Variants in BEND4 observed in about 807,000 individuals in gnomAD.
BEND4 encodes the protein BEN domain-containing protein 4.
A neutral mutation model predicts 54.7 loss-of-function variants in BEND4; 27 were observed. The observed-to-expected ratio is 0.49, with a 90% confidence interval of 0.36 to 0.68. The LOEUF is 0.68. Among genes scored for constraint, BEND4 ranks in the 30% least tolerant of loss-of-function variants. The pLI, the probability that BEND4 is intolerant of heterozygous loss-of-function variation, is 0.00. For synonymous variants in BEND4, 327 were observed against 299.5 expected (o/e 1.09, Z -0.95); for missense variants, 702 against 697.2 (o/e 1.01, Z -0.08).
chr4:42,117,734 T>C lies in BEND4; in HGVS notation c.1389A>G (p.Glu463=). 6.3e-7 allele frequency: 1 copy of C among 1,590,764 alleles called. No individual in the cohort carries two copies. Among genetic ancestry groups the C allele is most frequent in the Non-Finnish European group, 8.6e-7 (1 of 1,166,824 alleles). Residue 463 remains glutamate, a splice_region_variant and synonymous_variant, in exon 6 of 6, where the codon GAA becomes GAG. Coordinates refer to ENST00000502486, the MANE Select transcript of BEND4 (RefSeq NM_207406.4). ...LDPVKVTCLR[E]FIRMHCTSNP... The stretch of plus-strand genomic sequence containing the variant: ...TGGAGGTACAATGCATCCTAATGAA[T>C]TCTGCAGGAATATATACAACATCAA...
At chr4:42,131,541 T>G (rs1720509232) in intron 3 of BEND4, among the ~76,000 whole-genome samples, 2 of 152,164 alleles carry the variant, frequency 1.3e-5, no homozygotes, top group Non-Finnish European at 2.9e-5. Flanking sequence ...ATTACTTCAG[T>G]GTGGAGGGGA....
intron 4 of BEND4, among the ~76,000 whole-genome samples, chr4:42,123,705 A>AAAAAAAACAAAAC (rs1553921992): frequency 0.072 from 10,450 of 144,946 alleles, 565 homozygotes; most frequent in African/African-American, 0.15. Flanking sequence ...AAAAAAAAAA[A>AAAAAAAACAAAAC]AAAAAAAAAA....
intron 2 of BEND4, chr4:42,151,243 A>C: frequency 6.2e-6 from 1 of 160,534 alleles, no homozygotes; most frequent in Non-Finnish European, 1.4e-5. Context: ...GAAGAAGGAG[A>C]AAGGGAAAAA....
intron 2 of BEND4, 151 bp from the exon 3 acceptor site, chr4:42,144,145 A>T (rs1720995789): frequency 1.4e-6 from 1 of 692,454 alleles, no homozygotes. Flanking sequence ...ATCCACTGTG[A>T]ATAGAACGCA....
intron 4 of BEND4, among the ~76,000 whole-genome samples, chr4:42,120,634 A>G (rs968891245): frequency 6.6e-6 from 1 of 152,208 alleles, no homozygotes; most frequent in Non-Finnish European, 1.5e-5. Flanking sequence ...AATCTATTAA[A>G]ATATGCAAAA....
intron 3 of BEND4, among the ~76,000 whole-genome samples, chr4:42,141,607 G>A (rs1463515315): frequency 2.6e-5 from 4 of 152,122 alleles, no homozygotes; most frequent in African/African-American, 4.8e-5. Context: ...CAGGCGTGGT[G>A]GTGCATGCCT....
intron 2 of BEND4, among the ~76,000 whole-genome samples, chr4:42,148,228 A>C (rs976790972): frequency 6.6e-6 from 1 of 152,222 alleles, no homozygotes; most frequent in Non-Finnish European, 1.5e-5. Flanking sequence ...CCCTTGTCTT[A>C]AATCAATGAA....
rs1719864179 is a variant in BEND4 at position 42,117,003 on chromosome 4, TA to T, written c.*514del. On this transcript the variant is annotated 3_prime_UTR_variant, in exon 6 of 6. Transcript: ENST00000502486. ...GTTTCCTTTTAGTAATAGACATTAT[TA>T]ATGTCAAAATGGTATATGATGTCAT... is the stretch of plus-strand genomic sequence containing the variant. 1 of 152,410 alleles carries T rather than the reference TA, an allele frequency of 6.6e-6. No homozygotes were observed. Among genetic ancestry groups the T allele is most frequent in the Non-Finnish European group, 1.5e-5 (1 of 68,216 alleles). The allele number at this position is 152,410 out of a possible 1,614,324, so 9.4% of individuals were successfully genotyped here. A position where few individuals can be genotyped will look rare whatever the true frequency, so the allele number is the denominator to read the frequency against.
At position 42,114,253 on chromosome 4, in the gene BEND4, G is replaced by C. The variant is rs1196789727; in HGVS notation, c.*3265C>G. ...TTGAGGGTCATCCTGAGCCTGGCTG[G>C]AACTGAGCTTGGGGCTTCAACTCAC... On this transcript the variant is annotated 3_prime_UTR_variant, in exon 6 of 6. Coordinates refer to ENST00000502486, the MANE Select transcript of BEND4 (RefSeq NM_207406.4). 1 of 152,162 alleles carries C rather than the reference G, an allele frequency of 6.6e-6. No individual in the cohort carries two copies. The highest frequency in any genetic ancestry group is 1.9e-4 in the East Asian group (1 of 5,192). The allele number at this position is 152,162 out of a possible 1,614,324, so 9.4% of individuals were successfully genotyped here.
At chr4:42,139,029 A>C (rs1310794491) in intron 3 of BEND4, among the ~76,000 whole-genome samples, 3 of 152,262 alleles carry the variant, frequency 2.0e-5, no homozygotes, top group Non-Finnish European at 1.5e-5. Flanking sequence ...GTGTTGACTA[A>C]GCTTCCTAAG....
chr4:42,135,381 T>C (rs544722425), intron 3 of BEND4, among the ~76,000 whole-genome samples: 9 of 152,222 alleles, frequency 5.9e-5, no homozygotes, highest in Non-Finnish European at 1.5e-5. Flanking sequence ...CACAGAATAA[T>C]TTCCTCTTTT....
At chr4:42,135,794 C>T (rs984266393) in intron 3 of BEND4, among the ~76,000 whole-genome samples, 1 of 151,924 alleles carries the variant, frequency 6.6e-6, no homozygotes, top group Non-Finnish European at 1.5e-5. Context: ...ACCAAACAAA[C>T]ATACAAAAAA....
chr4:42,136,040 G>A (rs116231266), intron 3 of BEND4, among the ~76,000 whole-genome samples: 2,305 of 152,206 alleles, frequency 0.015, 21 homozygotes, highest in Middle Eastern at 0.041. Context: ...AAAGAACTCA[G>A]TTCTTTATTC....
chr4:42,132,186 A>G (rs1016944845), intron 3 of BEND4, among the ~76,000 whole-genome samples: 1 of 152,164 alleles, frequency 6.6e-6, no homozygotes, highest in Non-Finnish European at 1.5e-5. Context: ...GGTTCTGTTA[A>G]CCTAAGGTTC....
In BEND4 at chr4:42,151,658, T is replaced by A; in HGVS notation, c.486A>T (p.Ala162=). The A allele has an allele frequency of 6.9e-7, 1 of 1,452,430 alleles. No individual in the cohort carries two copies. Among genetic ancestry groups the A allele is most frequent in the South Asian group, 1.3e-5 (1 of 75,286 alleles). 90.0% of individuals were successfully genotyped at this position (1,452,430 alleles called of 1,614,324 possible). A position where few individuals can be genotyped will look rare whatever the true frequency, so the allele number is the denominator to read the frequency against. ...GSDSASLELS[A]ESRMILDAFA... ...GAAAGTTGTGCGGAGAGTTGGTACCTGCGCTGAGCTCCAGGCTGGCGCTGT... is the reference window on the plus strand; with the variant it reads ...GAAAGTTGTGCGGAGAGTTGGTACCAGCGCTGAGCTCCAGGCTGGCGCTGT... Residue 162 remains alanine, a splice_region_variant and synonymous_variant, in exon 2 of 6, where the codon GCA becomes GCT. Coordinates refer to ENST00000502486, the MANE Select transcript of BEND4 (RefSeq NM_207406.4).
chr4:42,123,367 A>C (rs577040386), intron 4 of BEND4, among the ~76,000 whole-genome samples: 123 of 152,218 alleles, frequency 8.1e-4, no homozygotes, highest in African/African-American at 2.8e-3. Flanking sequence ...TTAGCCACCC[A>C]CAGGTTATTA....
At chr4:42,135,690 G>T (rs1720673690) in intron 3 of BEND4, among the ~76,000 whole-genome samples, 1 of 152,120 alleles carries the variant, frequency 6.6e-6, no homozygotes, top group Non-Finnish European at 1.5e-5. Flanking sequence ...CAGGAGAATG[G>T]CATGAACCCG....
At position 42,110,973 on chromosome 4, in the gene BEND4, C is replaced by T. The variant is rs1719537417; in HGVS notation, c.*6545G>A. Reference sequence around the variant, plus strand: ...CTTGACATTTATTGTGCAATTTTATCCCCAACAGAACACGTGGCATTCTAG... The same window carrying T: ...CTTGACATTTATTGTGCAATTTTATTCCCAACAGAACACGTGGCATTCTAG... On this transcript the variant is annotated 3_prime_UTR_variant, in exon 6 of 6. Coordinates refer to ENST00000502486, the MANE Select transcript of BEND4 (RefSeq NM_207406.4). 6.6e-6 allele frequency: 1 copy of T among 152,156 alleles called. No homozygotes were observed. The highest frequency in any genetic ancestry group is 2.4e-5 in the African/African-American group (1 of 41,426). 9.4% of individuals were successfully genotyped at this position (152,156 alleles called of 1,614,324 possible). A position where few individuals can be genotyped will look rare whatever the true frequency, so the allele number is the denominator to read the frequency against.
intron 3 of BEND4, among the ~76,000 whole-genome samples, chr4:42,128,932 T>C (rs936880787): frequency 6.6e-6 from 1 of 150,948 alleles, no homozygotes; most frequent in Admixed American, 6.6e-5. Flanking sequence ...TGAGACTCCA[T>C]CTCCCAAAAA....
Sources: gnomAD v4.1 joint callset for allele counts (sites outside exome capture counted in the v4.1 genomes callset) on GRCh38, gnomAD v4.1.1 for gene constraint, MANE v1.5 for transcripts, NCBI Gene and HGNC (gene_info 2026-07-23, HGNC 2026-07-21) for gene names.